Variants in TMEM272 observed in about 807,000 individuals in gnomAD.
TMEM272 encodes transmembrane protein 272, also known as long intergenic non-protein coding RNA 282.
A neutral mutation model predicts 3.7 loss-of-function variants in TMEM272; 8 were observed. The observed-to-expected ratio is 2.17, with a 90% CI of 1.27 to 3.91. TMEM272 has a LOEUF of 3.91. TMEM272 is among the 30% of genes most tolerant of loss of function. TMEM272 has a pLI of 0.00. For synonymous variants in TMEM272, 63 were observed against 39.8 expected, an observed-to-expected ratio of 1.58 and a Z score of -2.20; for missense variants, 166 against 91.5, an observed-to-expected ratio of 1.81 and a Z score of -3.32.
chr13:51,924,743 T>A, the TMEM272 span, among the ~76,000 whole-genome samples: 1 of 152,160 alleles, frequency 6.6e-6, no homozygotes, highest in Non-Finnish European at 1.5e-5. Flanking sequence ...GCAGCCAGGA[T>A]GCACCCCCAC....
Position 51,816,718 on chromosome 13 carries a change from T to C in TMEM272, c.*33A>G. ...GTGCACGCGCGTGCATGCACACGCA[T>C]ATGCATACATGGTATGCTGGACAAG... On this transcript the variant is annotated 3_prime_UTR_variant, in exon 5 of 5. Coordinates refer to ENST00000629372, the MANE Select transcript of TMEM272 (RefSeq NM_001351003.2). 1 of 678,108 alleles carries C rather than the reference T, an allele frequency of 1.5e-6. No individual in the cohort carries two copies. Among genetic ancestry groups the C allele is most frequent in the South Asian group, 1.6e-5 (1 of 63,788 alleles). The allele number at this position is 678,108 out of a possible 1,614,324, so 42.0% of individuals were successfully genotyped here.
the TMEM272 span, among the ~76,000 whole-genome samples, chr13:51,852,610 T>C: frequency 6.6e-6 from 1 of 152,128 alleles, no homozygotes; most frequent in Admixed American, 6.5e-5. Context: ...CCGGGCGCGG[T>C]GGCTCAAGCC....
At chr13:51,873,236 G>T in the TMEM272 span, among the ~76,000 whole-genome samples, 10 of 152,330 alleles carry the variant, frequency 6.6e-5, no homozygotes, top group Non-Finnish European at 1.3e-4. Context: ...AAAAACAACA[G>T]TTACATATTA....
intron 1 of TMEM272, among the ~76,000 whole-genome samples, chr13:51,841,871 C>T (rs569009753): frequency 2.6e-4 from 40 of 152,280 alleles, no homozygotes; most frequent in African/African-American, 9.1e-4. Flanking sequence ...TGAATTCTGT[C>T]ACGCCTTAAA....
intron 2 of TMEM272, 89 bp downstream of exon 2, chr13:51,838,384 C>A: frequency 1.4e-6 from 1 of 702,014 alleles, no homozygotes; most frequent in South Asian, 1.5e-5. Context: ...ACAGCCCACT[C>A]ATATGATCCA....
chr13:51,863,701 ACACACAC>A, the TMEM272 span, among the ~76,000 whole-genome samples: 12 of 131,514 alleles, frequency 9.1e-5, no homozygotes, highest in South Asian at 2.5e-4. Flanking sequence ...ACACACACAC[ACACACAC>A]ACCAGCTATG....
the TMEM272 span, among the ~76,000 whole-genome samples, chr13:51,870,495 A>G: frequency 6.8e-6 from 1 of 148,076 alleles, no homozygotes; most frequent in Non-Finnish European, 1.5e-5. Context: ...AGTTAAAGAT[A>G]ACAAAGCAAA....
the TMEM272 span, among the ~76,000 whole-genome samples, chr13:51,890,706 A>G: frequency 2.0e-5 from 3 of 152,224 alleles, no homozygotes; most frequent in Admixed American, 1.3e-4. Flanking sequence ...CTCCTGCACT[A>G]GGACCCAACA....
the TMEM272 span, among the ~76,000 whole-genome samples, chr13:51,927,087 G>A: frequency 5.9e-5 from 9 of 152,170 alleles, no homozygotes; most frequent in East Asian, 1.5e-3. Flanking sequence ...CAGCTTCTTT[G>A]AGGTTCCCAG....
At chr13:51,852,720 A>T in the TMEM272 span, among the ~76,000 whole-genome samples, 1 of 152,096 alleles carries the variant, frequency 6.6e-6, no homozygotes, top group African/African-American at 2.4e-5. Context: ...TCTACTAAAA[A>T]TACAAAAAAT....
At chr13:51,908,873 G>A in the TMEM272 span, 2 of 1,424,288 alleles carry the variant, frequency 1.4e-6, no homozygotes, top group Non-Finnish European at 9.9e-7. Flanking sequence ...AAGGAGCCTT[G>A]TGAGGATCAG....
the TMEM272 span, among the ~76,000 whole-genome samples, chr13:51,853,568 G>T: frequency 6.6e-6 from 1 of 152,168 alleles, no homozygotes; most frequent in Non-Finnish European, 1.5e-5. Flanking sequence ...GGTGACAGAG[G>T]CCAAAGAAAA....
At chr13:51,917,280 A>C in the TMEM272 span, among the ~76,000 whole-genome samples, 9 of 152,158 alleles carry the variant, frequency 5.9e-5, no homozygotes, top group African/African-American at 2.2e-4. Flanking sequence ...TGATGCTGCC[A>C]GGTGAAGGAC....
At chr13:51,880,036 C>T in the TMEM272 span, among the ~76,000 whole-genome samples, 13 of 152,278 alleles carry the variant, frequency 8.5e-5, no homozygotes, top group East Asian at 2.5e-3. Context: ...TTGTTCTTCC[C>T]TTTAACATGC....
At chr13:51,845,741 A>T (rs929458593), upstream of TMEM272, among the ~76,000 whole-genome samples, 1 of 152,236 alleles carries the variant, frequency 6.6e-6, no homozygotes, top group Admixed American at 6.5e-5. Context: ...TAGCAGTAGA[A>T]GTTCTCAGCT....
chr13:51,921,710 G>A, the TMEM272 span: 2 of 152,316 alleles, frequency 1.3e-5, no homozygotes, highest in South Asian at 4.1e-4. Flanking sequence ...GCAGCATAAG[G>A]GGATAATGGT....
chr13:51,842,878 T>C (rs1745778232), intron 1 of TMEM272, among the ~76,000 whole-genome samples: 1 of 152,236 alleles, frequency 6.6e-6, no homozygotes, highest in Non-Finnish European at 1.5e-5. Context: ...CTAAGAGACA[T>C]TTCTCTCCAT....
upstream of TMEM272, among the ~76,000 whole-genome samples, chr13:51,848,142 C>T (rs1279959103): frequency 1.3e-5 from 2 of 152,094 alleles, no homozygotes; most frequent in African/African-American, 4.8e-5. Flanking sequence ...AAGTCATGCA[C>T]GATGTCGTGG....
At chr13:51,907,409 C>A in the TMEM272 span, among the ~76,000 whole-genome samples, 1 of 152,142 alleles carries the variant, frequency 6.6e-6, no homozygotes, top group East Asian at 1.9e-4. Context: ...ACTAACCAGT[C>A]GAGAGCTCAT....
Sources: gnomAD v4.1 joint callset for allele counts (sites outside exome capture counted in the v4.1 genomes callset) on GRCh38, gnomAD v4.1.1 for gene constraint, MANE v1.5 for transcripts, NCBI Gene and HGNC (gene_info 2026-07-23, HGNC 2026-07-21) for gene names.